Variants in NECAB2 observed in about 807,000 individuals in gnomAD.
NECAB2 encodes N-terminal EF-hand calcium binding protein 2.
A neutral mutation model predicts 51.9 loss-of-function variants in NECAB2; 68 were observed. That is an observed-to-expected ratio of 1.31 (90% confidence interval 1.08 to 1.60). NECAB2 has a LOEUF of 1.60. Ranked by LOEUF, NECAB2 falls within the 40% of genes most tolerant of loss-of-function variation. The pLI is 0.00. For missense variants in NECAB2, 854 were observed against 490.3 expected (o/e 1.74, Z -7.00); for synonymous variants, 329 against 203.5 (o/e 1.62, Z -5.25).
At chr16:83,995,213 G>A (rs527475688) in intron 8 of NECAB2, among the ~76,000 whole-genome samples, 36 of 152,348 alleles carry the variant, frequency 2.4e-4, no homozygotes, top group African/African-American at 7.9e-4. Context: ...AATGTTTCGT[G>A]ACTCGGGATA....
At chr16:83,995,976 C>A (rs1046427151) in intron 8 of NECAB2, among the ~76,000 whole-genome samples, 1 of 152,212 alleles carries the variant, frequency 6.6e-6, no homozygotes, top group South Asian at 2.1e-4. Flanking sequence ...TGGCTGGTAA[C>A]CACGGAGTAC....
At position 83,968,513 on chromosome 16, in the gene NECAB2, C is replaced by G. The variant is rs1379594080; in HGVS notation, c.-136C>G. 2.9e-6 allele frequency: 2 copies of G among 689,878 alleles called. No homozygotes were observed. The highest frequency in any genetic ancestry group is 2.0e-5 in the African/African-American group (1 of 50,648). The allele number at this position is 689,878 out of a possible 1,614,324, so 42.7% of individuals were successfully genotyped here. On this transcript the variant is annotated 5_prime_UTR_variant, in exon 1 of 13. Coordinates refer to ENST00000305202, the MANE Select transcript of NECAB2 (RefSeq NM_019065.3). Reference sequence around the variant, plus strand: ...GCCCCCCGGCGCCGGCCAGTCCCCGCGGTGTCCGCGGCCGCGGGGGCAGCG... The same window carrying G: ...GCCCCCCGGCGCCGGCCAGTCCCCGGGGTGTCCGCGGCCGCGGGGGCAGCG...
intron 10 of NECAB2, among the ~76,000 whole-genome samples, chr16:84,000,228 A>C (rs1045959478): frequency 1.3e-5 from 2 of 152,164 alleles, no homozygotes; most frequent in Admixed American, 1.3e-4. Flanking sequence ...ATAAATGTTC[A>C]CACTTTAACA....
At chr16:83,974,802 G>A (rs2084386775) in intron 2 of NECAB2, among the ~76,000 whole-genome samples, 1 of 152,204 alleles carries the variant, frequency 6.6e-6, no homozygotes, top group Non-Finnish European at 1.5e-5. Flanking sequence ...TGGGGAAAGA[G>A]GAATGAGTGT....
chr16:83,975,838 G>A (rs1255221465), intron 2 of NECAB2, among the ~76,000 whole-genome samples: 5 of 152,170 alleles, frequency 3.3e-5, no homozygotes, highest in Non-Finnish European at 7.4e-5. Flanking sequence ...CCCGCTTGGG[G>A]TCTCTGGCAA....
Position 83,968,721 on chromosome 16 carries a change from CGGGCGCTGGGCGGGCTGCTGCGCTGGGT to C in NECAB2, c.80_107del (p.Leu27ProfsTer105). The C allele has an allele frequency of 9.8e-7, 1 of 1,021,686 alleles. No homozygotes were observed. The highest frequency in any genetic ancestry group is 1.2e-6 in the Non-Finnish European group (1 of 856,946). The allele number at this position is 1,021,686 out of a possible 1,614,324, so 63.3% of individuals were successfully genotyped here. A position where few individuals can be genotyped will look rare whatever the true frequency, so the allele number is the denominator to read the frequency against. On this transcript the variant is annotated frameshift_variant, in exon 1 of 13. Transcript: ENST00000305202. LOFTEE classifies it high-confidence loss of function. ...GCTCCGGGAGCCGCCGCAGCAGGGC[CGGGCGCTGGGCGGGCTGCTGCGCTGGGT>C]GGGCGCCAGGATGGGCGAGCCCCGG...
intron 9 of NECAB2, 58 bp from the exon 10 acceptor site, chr16:83,998,147 G>A: frequency 6.7e-7 from 1 of 1,501,838 alleles, no homozygotes; most frequent in Non-Finnish European, 9.1e-7. Flanking sequence ...GCCTGATGGG[G>A]TGTTTAGGGA....
Position 84,002,539 on chromosome 16 carries a change from T to A in NECAB2, c.*193T>A. 1 of 708,018 alleles carries A rather than the reference T, an allele frequency of 1.4e-6. No individual in the cohort carries two copies. Among genetic ancestry groups the A allele is most frequent in the Non-Finnish European group, 2.4e-6 (1 of 425,202 alleles). The allele number at this position is 708,018 out of a possible 1,614,324, so 43.9% of individuals were successfully genotyped here. On this transcript the variant is annotated 3_prime_UTR_variant, in exon 13 of 13. Coordinates refer to ENST00000305202, the MANE Select transcript of NECAB2 (RefSeq NM_019065.3). ...TGAGAAGGCAGAGCAGTGTCTGTGC[T>A]GCCAGGTCCTGGTGAAGCCCAAGGT...
intron 3 of NECAB2, among the ~76,000 whole-genome samples, chr16:83,978,862 A>G (rs1233163181): frequency 2.0e-5 from 3 of 152,118 alleles, no homozygotes; most frequent in Non-Finnish European, 2.9e-5. Context: ...TCCTTCTGCC[A>G]TCTTCAGCCA....
At chr16:83,983,531 C>T (rs1035317290) in intron 5 of NECAB2, among the ~76,000 whole-genome samples, 2 of 152,066 alleles carry the variant, frequency 1.3e-5, no homozygotes, top group African/African-American at 4.8e-5. Context: ...TCCATTTTGT[C>T]TTAGGAGGGT....
At position 83,974,909 on chromosome 16, in the gene NECAB2, G is replaced by GGTGTGGGT. The variant is rs1567664333; in HGVS notation, c.226+2735_226+2736insTGTGGGTG. ...AGGGATGAGAGCAGGTGTGCAGGGA[G>GGTGTGGGT]GCGTGGGTGCGGGGATGGGAACAGG... On this transcript the variant is annotated intron_variant, in intron 2 of 12. Coordinates refer to ENST00000305202, the MANE Select transcript of NECAB2 (RefSeq NM_019065.3). Among the ~76,000 whole-genome samples the GGTGTGGGT allele has an allele frequency of 3.6e-3, 498 of 139,734 alleles. 34 individuals are homozygous for GGTGTGGGT. Among genetic ancestry groups the GGTGTGGGT allele is most frequent in the African/African-American group, 0.015 (477 of 32,034 alleles). The allele number at this position is 139,734 out of a possible 152,430, so 91.7% of individuals were successfully genotyped here. A position where few individuals can be genotyped will look rare whatever the true frequency, so the allele number is the denominator to read the frequency against.
At chr16:83,994,564 G>T in intron 7 of NECAB2, 45 bp from the exon 8 acceptor site, 1 of 1,612,018 alleles carries the variant, frequency 6.2e-7, no homozygotes, top group South Asian at 1.1e-5. Context: ...CGAAGCCCTC[G>T]TCCTGCCCAC....
intron 3 of NECAB2, among the ~76,000 whole-genome samples, chr16:83,979,256 C>G (rs1468002598): frequency 2.6e-5 from 4 of 152,238 alleles, no homozygotes; most frequent in Non-Finnish European, 5.9e-5. Context: ...CACCTGGTCT[C>G]CTTTCTCAGG....
intron 8 of NECAB2, among the ~76,000 whole-genome samples, chr16:83,995,146 T>TG (rs1234091568): frequency 2.0e-5 from 3 of 152,236 alleles, no homozygotes; most frequent in African/African-American, 7.2e-5. Flanking sequence ...AAGTGTGATA[T>TG]GGGACGTCCA....
At chr16:83,969,294 C>G (rs150322160) in intron 1 of NECAB2, among the ~76,000 whole-genome samples, 1 of 152,212 alleles carries the variant, frequency 6.6e-6, no homozygotes, top group Non-Finnish European at 1.5e-5. Context: ...TACCTCTAGC[C>G]CACCTCTCTT....
intron 5 of NECAB2, among the ~76,000 whole-genome samples, chr16:83,984,285 G>A (rs933576720): frequency 4.6e-5 from 7 of 151,826 alleles, no homozygotes; most frequent in Admixed American, 1.3e-4. Flanking sequence ...GTGAGCCACC[G>A]CGCCCGGCGG....
chr16:83,973,195 C>T (rs551897077), intron 2 of NECAB2, among the ~76,000 whole-genome samples: 5 of 152,366 alleles, frequency 3.3e-5, no homozygotes, highest in Admixed American at 6.5e-5. Context: ...TGCCCCAGGG[C>T]CCTTGGTCCC....
chr16:83,995,883 G>A lies in NECAB2; in HGVS notation c.795+1195G>A, dbSNP rs551198884. ...CGGCTCGGAGGGGACCCCGTGGCCC[G>A]GTTGTCATAACAACTCAGCGGGCGC... is the stretch of plus-strand genomic sequence containing the variant. On this transcript the variant is annotated intron_variant, in intron 8 of 12. Transcript: ENST00000305202. Among the ~76,000 whole-genome samples the A allele has an allele frequency of 4.7e-4, 72 of 152,272 alleles. 1 individual carries two copies. The highest frequency in any genetic ancestry group is 7.8e-4 in the Admixed American group (12 of 15,296).
At chr16:83,985,559 G>T (rs1049211461) in intron 5 of NECAB2, among the ~76,000 whole-genome samples, 1 of 151,636 alleles carries the variant, frequency 6.6e-6, no homozygotes, top group Non-Finnish European at 1.5e-5. Context: ...CTTGAACCCG[G>T]GAGGTGGAGG....
Sources: allele counts gnomAD v4.1 joint callset (sites outside exome capture counted in the v4.1 genomes callset), GRCh38; gene constraint gnomAD v4.1.1; transcripts MANE v1.5; gene names NCBI Gene and HGNC (gene_info 2026-07-23, HGNC 2026-07-21).